PRKCH: variants seen among roughly 807,000 people sequenced by gnomAD.
PRKCH encodes protein kinase C eta type.
PRKCH carries 28 observed loss-of-function variants against 82.5 expected under a neutral mutation model. The observed-to-expected ratio is 0.34, with a 90% CI of 0.25 to 0.47. PRKCH has a LOEUF of 0.47. PRKCH is among the 20% of genes least tolerant of loss of function. The pLI, the probability that PRKCH is intolerant of heterozygous loss-of-function variation, is 1.00. For missense variants in PRKCH, 705 were observed against 881.8 expected (o/e 0.80, Z 2.54); for synonymous variants, 322 against 327.4 (o/e 0.98, Z 0.18).
At chr14:61,501,409 G>T (rs1779854975) in intron 10 of PRKCH, among the ~76,000 whole-genome samples, 2 of 151,340 alleles carry the variant, frequency 1.3e-5, no homozygotes, top group Admixed American at 1.3e-4. Flanking sequence ...ACAAATAAAT[G>T]AAAAAAAGAG....
intron 1 of PRKCH, among the ~76,000 whole-genome samples, chr14:61,345,174 G>A (rs2045976212): frequency 6.6e-6 from 1 of 152,118 alleles, no homozygotes; most frequent in Non-Finnish European, 1.5e-5. Context: ...CCCTTTTCTA[G>A]CAAGCACTTT....
At chr14:61,188,435 C>T (rs529899070) in intron 1 of PRKCH, among the ~76,000 whole-genome samples, 14 of 152,038 alleles carry the variant, frequency 9.2e-5, no homozygotes, top group African/African-American at 3.1e-4. Context: ...GCTCCGGCTC[C>T]GGCTCCGGGT....
chr14:61,395,223 A>C (rs2046756615), intron 2 of PRKCH, among the ~76,000 whole-genome samples: 1 of 147,602 alleles, frequency 6.8e-6, no homozygotes, highest in South Asian at 2.2e-4. Context: ...CCTTTAAAAC[A>C]CCGCTCCCTT....
chr14:61,362,119 T>C (rs2046232191), intron 1 of PRKCH, among the ~76,000 whole-genome samples: 1 of 152,200 alleles, frequency 6.6e-6, no homozygotes, highest in Admixed American at 6.5e-5. Context: ...GGAGGATTGC[T>C]TGAGCTCAGG....
At chr14:61,352,190 C>G (rs894163807) in intron 1 of PRKCH, among the ~76,000 whole-genome samples, 19 of 152,174 alleles carry the variant, frequency 1.2e-4, no homozygotes, top group African/African-American at 4.6e-4. Flanking sequence ...GTCTTTTCCA[C>G]CTCTGAATTC....
At chr14:61,268,575 G>A (rs1251826524) in intron 1 of PRKCH, among the ~76,000 whole-genome samples, 2 of 152,158 alleles carry the variant, frequency 1.3e-5, no homozygotes, top group Admixed American at 6.5e-5. Context: ...GACTGAGGCA[G>A]AAGAATCACT....
intron 1 of PRKCH, among the ~76,000 whole-genome samples, chr14:61,313,784 A>G (rs1314635112): frequency 1.3e-5 from 2 of 151,806 alleles, no homozygotes; most frequent in African/African-American, 4.8e-5. Context: ...GTCAGATCCC[A>G]TGAGACCCAC....
intron 2 of PRKCH, among the ~76,000 whole-genome samples, chr14:61,412,521 G>A (rs185086481): frequency 6.5e-4 from 99 of 152,120 alleles, no homozygotes; most frequent in East Asian, 2.1e-3. Context: ...GGACTGTGGG[G>A]TCATCCCTGC....
chr14:61,409,844 A>G (rs1882177266), intron 2 of PRKCH, among the ~76,000 whole-genome samples: 2 of 152,176 alleles, frequency 1.3e-5, no homozygotes, highest in Non-Finnish European at 2.9e-5. Context: ...GGTAAGAGCC[A>G]GGGCCAGCAT....
At chr14:61,410,463 C>T (rs1882207708) in intron 2 of PRKCH, among the ~76,000 whole-genome samples, 1 of 152,158 alleles carries the variant, frequency 6.6e-6, no homozygotes, top group African/African-American at 2.4e-5. Context: ...TCAGCTGCTT[C>T]TGAGTAGTTT....
intron 2 of PRKCH, among the ~76,000 whole-genome samples, chr14:61,433,750 A>G (rs867284216): frequency 6.6e-6 from 1 of 152,256 alleles, no homozygotes; most frequent in East Asian, 1.9e-4. Flanking sequence ...TTAAAAAGAT[A>G]TGAAAAGATG....
At chr14:61,227,748 A>G (rs754696391) in intron 1 of PRKCH, among the ~76,000 whole-genome samples, 2 of 152,120 alleles carry the variant, frequency 1.3e-5, no homozygotes, top group African/African-American at 4.8e-5. Flanking sequence ...AAAAACCGTG[A>G]TTATTTTTGC....
At chr14:61,350,818 AC>A (rs2046064454) in intron 1 of PRKCH, among the ~76,000 whole-genome samples, 1 of 151,996 alleles carries the variant, frequency 6.6e-6, no homozygotes, top group South Asian at 2.1e-4. Flanking sequence ...GTCCCCAATA[AC>A]TTTGCTGTTA....
chr14:61,267,337 G>T (rs1480063912), intron 1 of PRKCH, among the ~76,000 whole-genome samples: 1 of 152,192 alleles, frequency 6.6e-6, no homozygotes, highest in African/African-American at 2.4e-5. Flanking sequence ...ATCTAGCAAA[G>T]CTTCCCGGTT....
At chr14:61,194,206 G>T (rs536758123) in intron 1 of PRKCH, among the ~76,000 whole-genome samples, 1 of 152,074 alleles carries the variant, frequency 6.6e-6, no homozygotes, top group South Asian at 2.1e-4. Flanking sequence ...ATGTATTAGA[G>T]TCTACTATAA....
At chr14:61,523,666 G>A (rs10143725) in intron 10 of PRKCH, among the ~76,000 whole-genome samples, 7,806 of 152,234 alleles carry the variant, frequency 0.051, 606 homozygotes, top group African/African-American at 0.17. Flanking sequence ...ATTCACAAAA[G>A]CTTTTTTCCA....
At chr14:61,308,754 G>T (rs1340634985) in intron 1 of PRKCH, among the ~76,000 whole-genome samples, 1 of 151,952 alleles carries the variant, frequency 6.6e-6, no homozygotes, top group Non-Finnish European at 1.5e-5. Flanking sequence ...TCAGCCTCCC[G>T]AGGAGCTAGG....
intron 1 of PRKCH, among the ~76,000 whole-genome samples, chr14:61,343,898 C>G (rs2045959304): frequency 6.6e-6 from 1 of 152,184 alleles, no homozygotes; most frequent in South Asian, 2.1e-4. Context: ...TCCTGACAGT[C>G]AGTTCTTCAG....
At position 61,391,214 on chromosome 14, in the gene PRKCH, T is replaced by C. The variant is rs1475163165; in HGVS notation, c.364-11T>C. 1 of 1,603,468 alleles carries C rather than the reference T, an allele frequency of 6.2e-7. No individual in the cohort carries two copies. The highest frequency in any genetic ancestry group is 1.3e-5 in the African/African-American group (1 of 74,164). ...CTAACATATAATATACATTTTTTTT[T>C]CTCTTTGTAGGTGGATCTCGAGCCA... On this transcript the variant is annotated splice_polypyrimidine_tract_variant and intron_variant, in intron 1 of 13. Coordinates refer to ENST00000332981, the MANE Select transcript of PRKCH (RefSeq NM_006255.5).
Sources: allele counts gnomAD v4.1 joint callset (sites outside exome capture counted in the v4.1 genomes callset), GRCh38; gene constraint gnomAD v4.1.1; transcripts MANE v1.5; gene names NCBI Gene and HGNC (gene_info 2026-07-23, HGNC 2026-07-21).